Variants in FHOD3 observed in about 807,000 individuals in gnomAD.
The protein encoded by FHOD3 is FH1/FH2 domain-containing protein 3.
A neutral mutation model predicts 173.0 loss-of-function variants in FHOD3; 90 were observed. The observed-to-expected ratio is 0.52, with a 90% CI of 0.44 to 0.62. The LOEUF is 0.62. Among genes scored for constraint, FHOD3 ranks in the 20% least tolerant of loss-of-function variants. The probability of loss-of-function intolerance (pLI) is 0.00; values close to 1 mark genes in which losing one functional copy is unlikely to be tolerated. For missense variants in FHOD3, 1,945 were observed against 2,034.7 expected, an observed-to-expected ratio of 0.96 and a Z score of 0.85; for synonymous variants, 828 against 823.0, an observed-to-expected ratio of 1.01 and a Z score of -0.10.
chr18:36,394,186 G>A (rs551063363), intron 3 of FHOD3, among the ~76,000 whole-genome samples: 22 of 152,286 alleles, frequency 1.4e-4, no homozygotes, highest in Non-Finnish European at 2.4e-4. Flanking sequence ...CTCCTGGGGA[G>A]CATGCTATCT....
chr18:36,601,782 T>C (rs1199552969), intron 7 of FHOD3, among the ~76,000 whole-genome samples: 1 of 152,244 alleles, frequency 6.6e-6, no homozygotes, highest in Non-Finnish European at 1.5e-5. Context: ...AATTCTTATT[T>C]CACTTCACTT....
chr18:36,761,166 A>G (rs2042861872), intron 27 of FHOD3, among the ~76,000 whole-genome samples: 1 of 152,172 alleles, frequency 6.6e-6, no homozygotes, highest in South Asian at 2.1e-4. Context: ...GGCAGAGTTG[A>G]GCCACTGTGG....
intron 3 of FHOD3, among the ~76,000 whole-genome samples, chr18:36,408,795 G>A (rs903204294): frequency 2.0e-5 from 3 of 152,170 alleles, no homozygotes; most frequent in Non-Finnish European, 4.4e-5. Flanking sequence ...CAGGAGCCAA[G>A]CCTGGAGCAT....
At chr18:36,376,580 G>T (rs1513849) in intron 3 of FHOD3, among the ~76,000 whole-genome samples, 52,068 of 152,008 alleles carry the variant, frequency 0.34, 9,596 homozygotes, top group East Asian at 0.68. Context: ...AGGCTGTCAA[G>T]GGGGCTGAAG....
chr18:36,378,614 A>AAG (rs1491180887), intron 3 of FHOD3, among the ~76,000 whole-genome samples: 2 of 150,986 alleles, frequency 1.3e-5, no homozygotes, highest in Non-Finnish European at 3.0e-5. Flanking sequence ...AAAAAAAAAA[A>AAG]AGAGAGATGG....
intron 4 of FHOD3, among the ~76,000 whole-genome samples, chr18:36,508,710 A>T (rs1599432368): frequency 6.6e-6 from 1 of 151,840 alleles, no homozygotes; most frequent in East Asian, 1.9e-4. Context: ...CAGATGAATT[A>T]AGTTTCAGTA....
chr18:36,718,036 A>C lies in FHOD3; in HGVS notation c.2738A>C (p.Gln913Pro). 1 of 1,604,854 alleles carries C rather than the reference A, an allele frequency of 6.2e-7. No individual in the cohort carries two copies. Among genetic ancestry groups the C allele is most frequent in the Non-Finnish European group, 8.5e-7 (1 of 1,175,244 alleles). Reference protein sequence around the residue: ...ASLATRISTLQANSQTQDESV... With the variant: ...ASLATRISTLPANSQTQDESV... ...CTTGCTACCAGGATATCCACCCTGCAGGCCAACTCTCAGACCCAGGATGAG... is the reference window on the plus strand; with the variant it reads ...CTTGCTACCAGGATATCCACCCTGCCGGCCAACTCTCAGACCCAGGATGAG... The change falls in exon 19 of 29, where the codon CAG becomes CCG. Residue 913 changes from glutamine to proline, a missense_variant. Physicochemically the swap from Gln to Pro is moderately conservative, Grantham distance 76. This residue lies in a region of FHOD3 where 1,099 missense variants were observed against 1,051.2 expected (regional missense o/e 1.05). Transcript: ENST00000590592.
At chr18:36,693,790 C>T (rs1041703526) in intron 17 of FHOD3, among the ~76,000 whole-genome samples, 2 of 151,984 alleles carry the variant, frequency 1.3e-5, no homozygotes, top group South Asian at 2.1e-4. Context: ...TGTTCTTACC[C>T]GAGGAACTGT....
At chr18:36,382,581 G>T (rs546917170) in intron 3 of FHOD3, among the ~76,000 whole-genome samples, 1 of 152,316 alleles carries the variant, frequency 6.6e-6, no homozygotes, top group South Asian at 2.1e-4. Flanking sequence ...GGCAAAAAAT[G>T]CTTGCTAAGT....
chr18:36,642,526 T>C (rs963021704), intron 10 of FHOD3, among the ~76,000 whole-genome samples: 2 of 128,746 alleles, frequency 1.6e-5, no homozygotes, highest in South Asian at 4.7e-4. Context: ...GAGCTTACGG[T>C]GAGCCGAGAG....
chr18:36,544,276 T>C (rs2057334406), intron 5 of FHOD3, among the ~76,000 whole-genome samples: 1 of 152,206 alleles, frequency 6.6e-6, no homozygotes, highest in Non-Finnish European at 1.5e-5. Context: ...TCCCTGAACA[T>C]GTGTCTCATG....
At chr18:36,766,913 GA>G (rs1277264067) in intron 27 of FHOD3, among the ~76,000 whole-genome samples, 1 of 152,176 alleles carries the variant, frequency 6.6e-6, no homozygotes, top group Admixed American at 6.5e-5. Context: ...GGCATTTTAA[GA>G]TAAGACAAAA....
intron 3 of FHOD3, among the ~76,000 whole-genome samples, chr18:36,425,777 G>A (rs945372032): frequency 6.6e-6 from 1 of 152,102 alleles, no homozygotes; most frequent in Non-Finnish European, 1.5e-5. Context: ...GAGGGCATGT[G>A]TTGAGTGTGT....
At chr18:36,576,643 CT>C (rs2058665952) in intron 6 of FHOD3, 98 bp downstream of exon 6, 10 of 872,850 alleles carry the variant, frequency 1.1e-5, no homozygotes, top group Non-Finnish European at 1.8e-5. Context: ...TTTTATTCAG[CT>C]TTTTTCAAGC....
chr18:36,654,046 G>A (rs1356233585), intron 13 of FHOD3, among the ~76,000 whole-genome samples: 2 of 152,140 alleles, frequency 1.3e-5, no homozygotes, highest in African/African-American at 4.8e-5. Context: ...CGTACGTGGT[G>A]CTGCTGTCTG....
At chr18:36,622,121 G>A (rs2172945) in intron 9 of FHOD3, among the ~76,000 whole-genome samples, 123,541 of 152,116 alleles carry the variant, frequency 0.81, 50,873 homozygotes, top group East Asian at 1. Flanking sequence ...CTTATATGAG[G>A]TATCTAAAAT....
chr18:36,369,868 A>G (rs1056824267), intron 2 of FHOD3, among the ~76,000 whole-genome samples: 1 of 152,096 alleles, frequency 6.6e-6, no homozygotes, highest in Non-Finnish European at 1.5e-5. Context: ...CAGTGAGGCA[A>G]TTGTGCAGTG....
intron 9 of FHOD3, among the ~76,000 whole-genome samples, chr18:36,614,954 G>T (rs1030436548): frequency 1.5e-4 from 22 of 146,896 alleles, no homozygotes; most frequent in African/African-American, 5.3e-4. Context: ...AGGTTCAAGC[G>T]ATTCCCCTGC....
At chr18:36,599,298 G>A (rs2030990865) in intron 7 of FHOD3, among the ~76,000 whole-genome samples, 1 of 152,192 alleles carries the variant, frequency 6.6e-6, no homozygotes, top group African/African-American at 2.4e-5. Flanking sequence ...GCTCAGCAGA[G>A]CTTTTGAAGT....
Sources: allele counts gnomAD v4.1 joint callset (sites outside exome capture counted in the v4.1 genomes callset), GRCh38; gene constraint gnomAD v4.1.1; regional missense constraint gnomAD v4.1.1; transcripts MANE v1.5; gene names NCBI Gene and HGNC (gene_info 2026-07-23, HGNC 2026-07-21).